Variants in TMEM132C observed in about 807,000 individuals in gnomAD.
The protein encoded by TMEM132C is protein phosphatase 1, regulatory subunit 152.
In TMEM132C, 29 loss-of-function variants were observed where a neutral mutation model predicts 61.4. That is an observed-to-expected ratio of 0.47 (90% CI 0.35 to 0.64). TMEM132C has a LOEUF of 0.64. TMEM132C is among the 30% of genes least tolerant of loss of function. TMEM132C has a pLI of 0.00. For missense variants in TMEM132C, 1,408 were observed against 1,476.9 expected, an observed-to-expected ratio of 0.95 and a Z score of 0.76; for synonymous variants, 656 against 633.1, an observed-to-expected ratio of 1.04 and a Z score of -0.54.
In TMEM132C at chr12:128,706,677, A is replaced by G. The variant is rs979962477; in HGVS notation, c.*382A>G. The G allele has an allele frequency of 3.7e-4, 61 of 163,160 alleles. No individual in the cohort carries two copies. The highest frequency in any genetic ancestry group is 2.8e-4 in the Non-Finnish European group (21 of 75,578). 10.1% of individuals were successfully genotyped at this position (163,160 alleles called of 1,614,324 possible). On this transcript the variant is annotated 3_prime_UTR_variant, in exon 9 of 9. Coordinates refer to ENST00000435159, the MANE Select transcript of TMEM132C (RefSeq NM_001136103.3). ...ATAATCATCTGTTTATATTTCTAAT[A>G]AAGGAGCAAAATATAAAAATAGGAC...
intron 2 of TMEM132C, among the ~76,000 whole-genome samples, chr12:128,530,513 G>A (rs543081441): frequency 2.0e-5 from 3 of 151,726 alleles, no homozygotes; most frequent in Non-Finnish European, 2.9e-5. Flanking sequence ...GCACAATCTC[G>A]GCTCACTGCA....
At chr12:128,277,465 G>A (rs1471017087) in intron 1 of TMEM132C, among the ~76,000 whole-genome samples, 1 of 152,172 alleles carries the variant, frequency 6.6e-6, no homozygotes, top group East Asian at 1.9e-4. Flanking sequence ...AAAGTTGCAG[G>A]GGCAGATTTT....
intron 3 of TMEM132C, among the ~76,000 whole-genome samples, chr12:128,544,614 T>C (rs1399824310): frequency 1.4e-5 from 2 of 147,612 alleles, no homozygotes; most frequent in Admixed American, 1.4e-4. Context: ...TTCAGACTCA[T>C]TTTAGAATAT....
At chr12:128,364,634 G>T (rs1873807916) in intron 1 of TMEM132C, among the ~76,000 whole-genome samples, 1 of 152,176 alleles carries the variant, frequency 6.6e-6, no homozygotes, top group African/African-American at 2.4e-5. Flanking sequence ...AAGGCTGTGT[G>T]TTTACAGACA....
intron 1 of TMEM132C, among the ~76,000 whole-genome samples, chr12:128,333,140 G>A (rs115354360): frequency 6.6e-6 from 1 of 151,876 alleles, no homozygotes; most frequent in Non-Finnish European, 1.5e-5. Context: ...TTATGTGTAT[G>A]TGTGTGCATG....
At chr12:128,646,230 G>A (rs998462797) in intron 4 of TMEM132C, among the ~76,000 whole-genome samples, 2 of 151,656 alleles carry the variant, frequency 1.3e-5, no homozygotes, top group Non-Finnish European at 2.9e-5. Context: ...GTTTACTGGA[G>A]TCCGTCAGCG....
intron 1 of TMEM132C, among the ~76,000 whole-genome samples, chr12:128,376,383 C>CT (rs1257084014): frequency 6.6e-6 from 1 of 152,102 alleles, no homozygotes; most frequent in Non-Finnish European, 1.5e-5. Flanking sequence ...AGTGAAATTT[C>CT]TTTGATTATT....
intron 1 of TMEM132C, among the ~76,000 whole-genome samples, chr12:128,353,924 A>C (rs1873417770): frequency 6.6e-6 from 1 of 152,194 alleles, no homozygotes; most frequent in Non-Finnish European, 1.5e-5. Context: ...TTTTGTTTTC[A>C]AAAGAATACT....
intron 4 of TMEM132C, among the ~76,000 whole-genome samples, chr12:128,618,858 C>T (rs1876897710): frequency 6.6e-6 from 1 of 152,162 alleles, no homozygotes; most frequent in Non-Finnish European, 1.5e-5. Flanking sequence ...CAGACTAATA[C>T]ATGCAGTATC....
At chr12:128,678,124 C>T (rs1402584479) in intron 5 of TMEM132C, among the ~76,000 whole-genome samples, 2 of 152,194 alleles carry the variant, frequency 1.3e-5, no homozygotes, top group Non-Finnish European at 2.9e-5. Context: ...GGCATCCCTC[C>T]CTAAACAGCA....
chr12:128,639,606 T>G (rs1954140727), intron 4 of TMEM132C, among the ~76,000 whole-genome samples: 1 of 152,160 alleles, frequency 6.6e-6, no homozygotes, highest in African/African-American at 2.4e-5. Flanking sequence ...TTTCTTGTGT[T>G]CATAAATTAA....
At chr12:128,377,762 G>T (rs1473296267) in intron 1 of TMEM132C, among the ~76,000 whole-genome samples, 1 of 152,210 alleles carries the variant, frequency 6.6e-6, no homozygotes, top group Non-Finnish European at 1.5e-5. Context: ...AGGTCTTAAA[G>T]TAGGAAAACA....
chr12:128,275,959 G>A lies in TMEM132C; in HGVS notation c.85+8472G>A, dbSNP rs543578638. Among the ~76,000 whole-genome samples, 9 of 152,268 alleles carry A rather than the reference G, an allele frequency of 5.9e-5. No individual in the cohort carries two copies. The East Asian group carries it at 1.7e-3, about 29-fold the overall frequency. ...CTCCTGGTGCTCTTGGCTTGTGGCA[G>A]CATCACAGCAATCTTTGCCTCCGTC... On this transcript the variant is annotated intron_variant, in intron 1 of 8. Coordinates refer to ENST00000435159, the MANE Select transcript of TMEM132C (RefSeq NM_001136103.3).
intron 1 of TMEM132C, among the ~76,000 whole-genome samples, chr12:128,406,328 T>C (rs1315052061): frequency 6.6e-6 from 1 of 152,158 alleles, no homozygotes; most frequent in East Asian, 1.9e-4. Context: ...GTTGAATGAG[T>C]CGTCACTGAG....
intron 2 of TMEM132C, among the ~76,000 whole-genome samples, chr12:128,449,269 G>A (rs927914950): frequency 2.0e-5 from 3 of 152,062 alleles, no homozygotes; most frequent in Admixed American, 6.5e-5. Flanking sequence ...GCTGCTCTGG[G>A]GGGCATGTGC....
intron 1 of TMEM132C, among the ~76,000 whole-genome samples, chr12:128,304,691 G>A (rs1198042525): frequency 1.3e-5 from 2 of 152,132 alleles, no homozygotes; most frequent in South Asian, 2.1e-4. Context: ...TTGGGGAGAC[G>A]GCATCCACAT....
chr12:128,397,211 T>G (rs1593038863), intron 1 of TMEM132C, among the ~76,000 whole-genome samples: 1 of 152,292 alleles, frequency 6.6e-6, no homozygotes, highest in African/African-American at 2.4e-5. Context: ...TCCCCCTTCC[T>G]CCAGCATACT....
chr12:128,326,727 G>C lies in TMEM132C; in HGVS notation c.85+59240G>C, dbSNP rs959903259. 6.6e-6 allele frequency among the ~76,000 whole-genome samples: 1 copy of C among 152,186 alleles called. No individual in the cohort carries two copies. Among genetic ancestry groups the C allele is most frequent in the Non-Finnish European group, 1.5e-5 (1 of 68,046 alleles). Reference sequence around the variant, plus strand: ...TAAGACGGAGCAGGCTGGAAGGTAAGAGGCAGAGAAGTTTCGAGATTCATC... The same window carrying C: ...TAAGACGGAGCAGGCTGGAAGGTAACAGGCAGAGAAGTTTCGAGATTCATC... On this transcript the variant is annotated intron_variant, in intron 1 of 8. Transcript: ENST00000435159. This position sits in a 1 kb window ranked among gnomAD's most constrained non-coding sequence, Gnocchi z 5.6.
At position 128,415,919 on chromosome 12, in the gene TMEM132C, T is replaced by C; in HGVS notation, c.974+299T>C. On this transcript the variant is annotated intron_variant, in intron 2 of 8. Transcript: ENST00000435159. This position sits in a 1 kb window ranked among gnomAD's most constrained non-coding sequence, Gnocchi z 5.8. The stretch of plus-strand genomic sequence containing the variant: ...TTATCCTCACACTTGGAGAGGGATG[T>C]GATTTTTCTTCTGCTGTGAATCCTT... Among the ~76,000 whole-genome samples the C allele has an allele frequency of 6.6e-6, 1 of 152,294 alleles. No homozygotes were observed. Among genetic ancestry groups the C allele is most frequent in the African/African-American group, 2.4e-5 (1 of 41,572 alleles).
Sources: gnomAD v4.1 joint callset for allele counts (sites outside exome capture counted in the v4.1 genomes callset) on GRCh38, gnomAD v4.1.1 for gene constraint, Gnocchi (gnomAD v3.1) non-coding constraint, MANE v1.5 for transcripts, NCBI Gene and HGNC (gene_info 2026-07-23, HGNC 2026-07-21) for gene names.